The following CACNA1I variants were observed in gnomAD, a reference collection of about 807,000 sequenced individuals.
CACNA1I encodes the protein voltage-dependent T-type calcium channel subunit alpha-1I.
In CACNA1I, 74 loss-of-function variants were observed where a neutral mutation model predicts 201.6. The ratio of observed to expected loss-of-function variants is 0.37; its 90% confidence interval spans 0.30 to 0.45. The LOEUF (loss-of-function observed/expected upper bound fraction) is 0.45. Ranked by LOEUF, CACNA1I falls within the 20% of genes least tolerant of loss-of-function variation. The pLI, the probability that CACNA1I is intolerant of heterozygous loss-of-function variation, is 1.00. For synonymous variants in CACNA1I, 1,431 were observed against 1,345.2 expected (o/e 1.06, Z -1.40); for missense variants, 2,346 against 3,138.1 (o/e 0.75, Z 6.03).
chr22:39,665,542 T>G lies in CACNA1I; in HGVS notation c.3896T>G (p.Leu1299Arg). 6.2e-7 allele frequency: 1 copy of G among 1,613,638 alleles called. No individual in the cohort carries two copies. The highest frequency in any genetic ancestry group is 8.5e-7 in the Non-Finnish European group (1 of 1,179,654). ...GGCCTGAAGCTGGTGGTGGAGACAC[T>G]CATCTCCTCCCTCAAGCCCATCGGC... ...APGLKLVVET[L>R]ISSLKPIGNI... Residue 1299 changes from leucine to arginine, a missense_variant, in exon 22 of 37, where the codon CTC becomes CGC. Physicochemically the swap from Leu to Arg is moderately radical, Grantham distance 102. Around this residue, in one of 13 missense-constraint regions of CACNA1I, gnomAD observed 14 missense variants for 53.7 expected, o/e 0.26. Coordinates refer to ENST00000402142, the MANE Select transcript of CACNA1I (RefSeq NM_021096.4). This position sits in a 1 kb window ranked among gnomAD's most constrained non-coding sequence, Gnocchi z 5.5.
At position 39,686,281 on chromosome 22, in the gene CACNA1I, A is replaced by G. The variant is rs1935873897; in HGVS notation, c.6548A>G (p.Asp2183Gly). The change falls in exon 37 of 37, where the codon GAC (aspartate) becomes GGC (glycine). Residue 2183 changes from aspartate to glycine, a missense_variant. Physicochemically the swap from Asp to Gly is moderately conservative, Grantham distance 94 (BLOSUM62 -1). Around this residue, in one of 13 missense-constraint regions of CACNA1I, gnomAD observed 187 missense variants for 151.0 expected, o/e 1.24. Transcript: ENST00000402142. ...GCCCGGAGCCCCTCGTGGGCCGCGGACCGCAGCAAGGACCCCCCCGGCCGG... is the reference window on the plus strand; with the variant it reads ...GCCCGGAGCCCCTCGTGGGCCGCGGGCCGCAGCAAGGACCCCCCCGGCCGG... ...GLARSPSWAADRSKDPPGRAP... is the reference protein window; with the variant it reads ...GLARSPSWAAGRSKDPPGRAP... 2.3e-6 allele frequency: 3 copies of G among 1,313,494 alleles called. No individual in the cohort carries two copies. The African/African-American group carries it at 4.7e-5, about 21-fold the overall frequency. The allele number at this position is 1,313,494 out of a possible 1,614,324, so 81.4% of individuals were successfully genotyped here.
Position 39,656,273 on chromosome 22 carries a change from T to A in CACNA1I, c.1993-1879T>A, listed in dbSNP as rs918157109. On this transcript the variant is annotated intron_variant, in intron 10 of 36. Coordinates refer to ENST00000402142, the MANE Select transcript of CACNA1I (RefSeq NM_021096.4). ...TAACCCACATGGAGTCGGAGTCAGG[T>A]CCTTGCGGCTCCCCGTTGCTGATGG... 8.0e-5 allele frequency: 34 copies of A among 426,738 alleles called. No homozygotes were observed. In the Admixed American group the frequency reaches 8.8e-4, roughly 11 times the overall value. 26.4% of individuals were successfully genotyped at this position (426,738 alleles called of 1,614,324 possible).
chr22:39,661,883 G>A (rs1358277923), intron 16 of CACNA1I, 82 bp from the exon 17 acceptor site: 2 of 881,072 alleles, frequency 2.3e-6, no homozygotes, highest in Admixed American at 3.3e-5. Flanking sequence ...CCACAGCGGG[G>A]GTGCAGGCTG....
At chr22:39,656,550 G>T in intron 10 of CACNA1I, 1 of 513,502 alleles carries the variant, frequency 1.9e-6, no homozygotes, top group African/African-American at 1.9e-5. Flanking sequence ...CTTCTCAAAG[G>T]CAGGGACGGT....
Position 39,664,730 on chromosome 22 carries a change from C to A in CACNA1I, c.3667-9C>A, listed in dbSNP as rs769592333. On this transcript the variant is annotated splice_polypyrimidine_tract_variant and intron_variant, in intron 20 of 36. Coordinates refer to ENST00000402142, the MANE Select transcript of CACNA1I (RefSeq NM_021096.4). Reference sequence around the variant, plus strand: ...CGGCAGCCTGACCCCGGCCCCACCCCCGCCCCAGGTAGTCTCGCTGGGCCT... The same window carrying A: ...CGGCAGCCTGACCCCGGCCCCACCCACGCCCCAGGTAGTCTCGCTGGGCCT... The A allele has an allele frequency of 5.2e-6, 8 of 1,543,122 alleles. No homozygotes were observed. The highest frequency in any genetic ancestry group is 1.2e-5 in the South Asian group (1 of 85,852).
intron 1 of CACNA1I, among the ~76,000 whole-genome samples, chr22:39,577,930 A>G (rs991643098): frequency 6.6e-6 from 1 of 152,230 alleles, no homozygotes; most frequent in Non-Finnish European, 1.5e-5. Flanking sequence ...AATGGGGGCC[A>G]CAGTGACCCC....
intron 3 of CACNA1I, among the ~76,000 whole-genome samples, chr22:39,610,319 G>C (rs529832743): frequency 6.6e-6 from 1 of 152,178 alleles, no homozygotes; most frequent in Non-Finnish European, 1.5e-5. Flanking sequence ...ACCCAGGCAC[G>C]AAAGAGCTGG....
At chr22:39,630,443 C>A (rs1934028218) in intron 4 of CACNA1I, among the ~76,000 whole-genome samples, 1 of 152,252 alleles carries the variant, frequency 6.6e-6, no homozygotes. Context: ...TAGCACAGTG[C>A]CCGGCACGGA....
intron 5 of CACNA1I, 69 bp from the exon 6 acceptor site, chr22:39,640,798 T>C: frequency 7.5e-7 from 1 of 1,327,040 alleles, no homozygotes; most frequent in Non-Finnish European, 1.0e-6. Flanking sequence ...GCATGGCCTC[T>C]CCCTTCCTGA....
In CACNA1I at chr22:39,632,034, G is replaced by A. The variant is rs1260632301; in HGVS notation, c.581-2531G>A. 2.6e-5 allele frequency among the ~76,000 whole-genome samples: 4 copies of A among 152,238 alleles called. No individual in the cohort carries two copies. The East Asian group carries it at 5.8e-4, about 22-fold the overall frequency. On this transcript the variant is annotated intron_variant, in intron 4 of 36. Coordinates refer to ENST00000402142, the MANE Select transcript of CACNA1I (RefSeq NM_021096.4). ...GTGAGGCGGGTCGGGGAGGAGGGACGGGGCTGCCATTCAGGGAAGCCAGCC... is the reference window on the plus strand; with the variant it reads ...GTGAGGCGGGTCGGGGAGGAGGGACAGGGCTGCCATTCAGGGAAGCCAGCC...
intron 3 of CACNA1I, among the ~76,000 whole-genome samples, chr22:39,601,693 A>C (rs1034682662): frequency 6.6e-6 from 1 of 151,964 alleles, no homozygotes; most frequent in Admixed American, 6.6e-5. Flanking sequence ...TGAGACGGAC[A>C]GTCAGGGTGT....
intron 3 of CACNA1I, among the ~76,000 whole-genome samples, chr22:39,615,298 C>G (rs970288630): frequency 5.9e-5 from 9 of 152,170 alleles, no homozygotes; most frequent in Admixed American, 2.0e-4. Context: ...CCTTGAAGGT[C>G]TCTTTGTTCT....
chr22:39,573,060 G>T (rs746889470), intron 1 of CACNA1I, among the ~76,000 whole-genome samples: 1 of 152,116 alleles, frequency 6.6e-6, no homozygotes, highest in Non-Finnish European at 1.5e-5. Context: ...AGCCTACGTG[G>T]CTAGTTTTAA....
At chr22:39,601,480 G>T (rs966747339) in intron 3 of CACNA1I, among the ~76,000 whole-genome samples, 1 of 152,222 alleles carries the variant, frequency 6.6e-6, no homozygotes, top group Non-Finnish European at 1.5e-5. Context: ...ACACGGGAGA[G>T]CTGAAGGATG....
intron 33 of CACNA1I, 83 bp downstream of exon 33, chr22:39,679,951 G>A: frequency 7.1e-7 from 1 of 1,410,692 alleles, no homozygotes; most frequent in South Asian, 1.3e-5. Flanking sequence ...GGCAGAGCCT[G>A]GCTCTGGGCT....
intron 5 of CACNA1I, among the ~76,000 whole-genome samples, chr22:39,637,278 A>G (rs1934244815): frequency 6.6e-6 from 1 of 152,172 alleles, no homozygotes; most frequent in Non-Finnish European, 1.5e-5. Flanking sequence ...GTGGGGACCA[A>G]TGGGGCTTCT....
chr22:39,686,212 C>T lies in CACNA1I; in HGVS notation c.6479C>T (p.Ala2160Val). The T allele has an allele frequency of 1.6e-6, 2 of 1,245,500 alleles. No homozygotes were observed. The highest frequency in any genetic ancestry group is 6.2e-5 in the South Asian group (2 of 32,264). 77.2% of individuals were successfully genotyped at this position (1,245,500 alleles called of 1,614,324 possible). A position where few individuals can be genotyped will look rare whatever the true frequency, so the allele number is the denominator to read the frequency against. ...ARKFSSTSSL[A>V]APGRPHAAAL... ...AAGTTCAGCAGCACCAGCAGCCTGG[C>T]CGCCCCCGGCCGCCCCCACGCCGCC... The change falls in exon 37 of 37, where the codon GCC (alanine) becomes GTC (valine). Residue 2160 changes from alanine to valine, a missense_variant. Coordinates refer to ENST00000402142, the MANE Select transcript of CACNA1I (RefSeq NM_021096.4).
chr22:39,677,543 C>A lies in CACNA1I; in HGVS notation c.4933+124C>A. 1 of 674,616 alleles carries A rather than the reference C, an allele frequency of 1.5e-6. No individual in the cohort carries two copies. Among genetic ancestry groups the A allele is most frequent in the Non-Finnish European group, 2.4e-6 (1 of 410,344 alleles). The allele number at this position is 674,616 out of a possible 1,614,324, so 41.8% of individuals were successfully genotyped here. On this transcript the variant is annotated intron_variant, in intron 30 of 36. Transcript: ENST00000402142. The surrounding 1 kb of genome is among the most constrained non-coding windows in gnomAD (Gnocchi z 4.8). ...TCAGGGTCTTTGTATTGGGGAGATGCCTACAGCAGGGCCCTCAGCTGTCTG... is the reference window on the plus strand; with the variant it reads ...TCAGGGTCTTTGTATTGGGGAGATGACTACAGCAGGGCCCTCAGCTGTCTG...
In CACNA1I at chr22:39,677,411, G is replaced by A; in HGVS notation, c.4925G>A (p.Gly1642Glu). The change falls in exon 30 of 37, where the codon GGG becomes GAG. Residue 1642 changes from glycine (G) to glutamate (E), a missense_variant. Gly to Glu is a moderately conservative substitution (Grantham distance 98). This residue lies in a region of CACNA1I where 50 missense variants were observed against 43.6 expected (regional missense o/e 1.15). Coordinates refer to ENST00000402142, the MANE Select transcript of CACNA1I (RefSeq NM_021096.4). The surrounding 1 kb of genome is among the most constrained non-coding windows in gnomAD (Gnocchi z 4.8). The part of the protein sequence containing the change: ...IYAALGVELF[G>E]KLVCNDENPC... ...GCTGCTCTCGGGGTGGAGCTCTTTG[G>A]GAAGCTGGGTGAGTGACTCCCAGAG... The A allele has an allele frequency of 6.3e-7, 1 of 1,578,368 alleles. No homozygotes were observed. The highest frequency in any genetic ancestry group is 1.8e-5 in the Admixed American group (1 of 56,060).
Sources: allele counts gnomAD v4.1 joint callset (sites outside exome capture counted in the v4.1 genomes callset), GRCh38; gene constraint gnomAD v4.1.1; regional missense constraint gnomAD v4.1.1; non-coding constraint Gnocchi (gnomAD v3.1); transcripts MANE v1.5; gene names NCBI Gene and HGNC (gene_info 2026-07-23, HGNC 2026-07-21).